SPATA24: variants seen among roughly 807,000 people sequenced by gnomAD.
The protein encoded by SPATA24 is spermatogenesis associated 24, also known as spermatogenesis-associated protein 24.
Under a neutral mutation model 28.9 loss-of-function variants are expected in SPATA24, and 21 were observed. The ratio of observed to expected loss-of-function variants is 0.73; its 90% CI spans 0.52 to 1.05. SPATA24 has a LOEUF of 1.05. Ranked by LOEUF, SPATA24 falls within the 50% of genes least tolerant of loss-of-function variation. SPATA24 has a pLI of 0.00. For missense variants in SPATA24, 215 were observed against 242.9 expected, an observed-to-expected ratio of 0.88 and a Z score of 0.76; for synonymous variants, 76 against 89.9, an observed-to-expected ratio of 0.85 and a Z score of 0.88.
downstream of SPATA24, chr5:139,394,531 G>T (rs1274411023): frequency 6.1e-6 from 9 of 1,481,220 alleles, no homozygotes; most frequent in Non-Finnish European, 6.2e-6. Flanking sequence ...CTCGAACTGC[G>T]CTGGGGCGGC....
intron 4 of SPATA24, among the ~76,000 whole-genome samples, chr5:139,398,038 G>C (rs1243212735): frequency 6.6e-6 from 1 of 152,242 alleles, no homozygotes; most frequent in Non-Finnish European, 1.5e-5. Context: ...TTTGCAGACC[G>C]AATGAACGGG....
intron 4 of SPATA24, among the ~76,000 whole-genome samples, chr5:139,397,775 G>A (rs532057508): frequency 6.2e-4 from 95 of 152,164 alleles, no homozygotes; most frequent in Middle Eastern, 3.4e-3. Context: ...GGCTGGTCTC[G>A]AACTTCTGAC....
chr5:139,396,295 T>C (rs1758704322), downstream of SPATA24: 1 of 985,272 alleles, frequency 1.0e-6, no homozygotes, highest in African/African-American at 1.7e-5. Flanking sequence ...CAAATTGAGG[T>C]CCCTTCCCAG....
intron 4 of SPATA24, 46 bp from the exon 5 acceptor site, chr5:139,397,189 G>A: frequency 2.8e-6 from 4 of 1,445,094 alleles, no homozygotes; most frequent in Non-Finnish European, 3.8e-6. Flanking sequence ...CCATCCCAGG[G>A]CTCCTTCCTG....
chr5:139,393,088 G>T (rs1758628043), downstream of SPATA24: 2 of 1,525,476 alleles, frequency 1.3e-6, no homozygotes, highest in African/African-American at 1.4e-5. Flanking sequence ...CGGCTCTTGC[G>T]TCTTGGATTC....
chr5:139,402,776 C>G, intron 1 of SPATA24, 83 bp from the exon 2 acceptor site: 3 of 1,004,504 alleles, frequency 3.0e-6, no homozygotes, highest in Non-Finnish European at 4.6e-6. Flanking sequence ...AAGCGGATAA[C>G]AGGATGATGC....
downstream of SPATA24, chr5:139,395,122 C>G (rs1162932607): frequency 7.2e-7 from 1 of 1,381,158 alleles, no homozygotes. Flanking sequence ...TCGCATTCGC[C>G]TCCGCTGGTG....
intron 4 of SPATA24, among the ~76,000 whole-genome samples, chr5:139,397,553 C>CT (rs757853919): frequency 0.017 from 2,314 of 135,484 alleles, 52 homozygotes; most frequent in African/African-American, 0.067. Flanking sequence ...CCTGCTTTCT[C>CT]TTTTTTTTTT....
At chr5:139,403,902 G>T in intron 1 of SPATA24, 42 bp downstream of exon 1, 1 of 1,493,166 alleles carries the variant, frequency 6.7e-7, no homozygotes. Context: ...CACCAGTGAG[G>T]CATCCGGCCC....
chr5:139,402,734 T>C (rs1365043890), intron 1 of SPATA24, 41 bp from the exon 2 acceptor site: 25 of 1,507,122 alleles, frequency 1.7e-5, no homozygotes, highest in Non-Finnish European at 2.1e-5. Context: ...GGGGCTGGAG[T>C]AGAAGGGGCG....
In SPATA24 at chr5:139,401,757, T is replaced by C. The variant is rs1214056455; in HGVS notation, c.383A>G (p.Asn128Ser). ...GAGAGCACGGGCCTCCCGCCTACCATTGCACTTGGTGATGAGCTGGTCCTT... is the reference window on the plus strand; with the variant it reads ...GAGAGCACGGGCCTCCCGCCTACCACTGCACTTGGTGATGAGCTGGTCCTT... Reference protein sequence around the residue: ...SKKDQLITKCNEIESHIIKQE... With the variant: ...SKKDQLITKCSEIESHIIKQE... The change falls in exon 4 of 6, where the codon AAT becomes AGT. Residue 128 changes from asparagine to serine, a missense_variant and splice_region_variant. Transcript: ENST00000450845. The C allele has an allele frequency of 1.3e-6, 2 of 1,551,580 alleles. No homozygotes were observed. The highest frequency in any genetic ancestry group is 8.7e-7 in the Non-Finnish European group (1 of 1,147,006).
At chr5:139,392,503 T>C, downstream of SPATA24, 1 of 1,347,270 alleles carries the variant, frequency 7.4e-7, no homozygotes, top group Non-Finnish European at 9.5e-7. This position sits in a 1 kb window ranked among gnomAD's most constrained non-coding sequence, Gnocchi z 5.8. Context: ...CGGGGACCGG[T>C]CCGTGGGAGG....
chr5:139,403,889 C>A, intron 1 of SPATA24, 55 bp downstream of exon 1: 1 of 1,438,948 alleles, frequency 6.9e-7, no homozygotes, highest in East Asian at 2.5e-5. Context: ...CTGGCCCCGC[C>A]CCCACCAGTG....
At chr5:139,395,457 C>CTG (rs1363614164), downstream of SPATA24, 1 of 207,524 alleles carries the variant, frequency 4.8e-6, no homozygotes, top group East Asian at 1.1e-4. Context: ...AAGTCAGGCA[C>CTG]TGCTGTGTGC....
At chr5:139,394,132 C>T, downstream of SPATA24, 1 of 1,547,330 alleles carries the variant, frequency 6.5e-7, no homozygotes, top group South Asian at 1.2e-5. Context: ...CTCGCGGAGG[C>T]TGGGCCACGG....
At position 139,396,902 on chromosome 5, in the gene SPATA24, C is replaced by A; in HGVS notation, c.516G>T (p.Gln172His). The A allele has an allele frequency of 1.9e-6, 3 of 1,551,692 alleles. No homozygotes were observed. The highest frequency in any genetic ancestry group is 2.4e-5 in the South Asian group (2 of 84,062). ...FRNHMSDFRI[Q>H]KQQESYMAQV... ...GGGCCATGTAGCTCTCCTGCTGCTT[C>A]TGGATCCGGAAGTCAGACATGTGAT... The change falls in exon 6 of 6, where the codon CAG becomes CAT. Residue 172 changes from glutamine to histidine, a missense_variant. Gln to His is a conservative substitution (Grantham distance 24). Coordinates refer to ENST00000450845, the MANE Select transcript of SPATA24 (RefSeq NM_194296.2).
chr5:139,394,800 G>A (rs1048587905), downstream of SPATA24: 14 of 1,528,502 alleles, frequency 9.2e-6, no homozygotes, highest in African/African-American at 1.6e-4. Flanking sequence ...GCCGTGGGCC[G>A]GAACCTGGGC....
rs908818542 is a variant in SPATA24 at position 139,396,945 on chromosome 5, C to G, written c.489-16G>C. The G allele has an allele frequency of 1.3e-6, 2 of 1,551,646 alleles. No homozygotes were observed. Among genetic ancestry groups the G allele is most frequent in the Non-Finnish European group, 1.7e-6 (2 of 1,146,936 alleles). On this transcript the variant is annotated splice_polypyrimidine_tract_variant and intron_variant, in intron 5 of 5. Coordinates refer to ENST00000450845, the MANE Select transcript of SPATA24 (RefSeq NM_194296.2). ...CATGTGATTCCTGCAACGGAGCCGG[C>G]TGGTGGTGGGCTGTGGACAGCCAAG...
At position 139,396,792 on chromosome 5, in the gene SPATA24, C is replaced by T. The variant is rs571368294; in HGVS notation, c.*8G>A. 29 of 1,551,706 alleles carry T rather than the reference C, an allele frequency of 1.9e-5. No individual in the cohort carries two copies. The highest frequency in any genetic ancestry group is 1.7e-4 in the Middle Eastern group (1 of 5,992). ...TTACAGCCAGAGAACAGGAAAGCGG[C>T]GGCCATTTTATTTTTCCCTGGGATG... On this transcript the variant is annotated 3_prime_UTR_variant, in exon 6 of 6. Coordinates refer to ENST00000450845, the MANE Select transcript of SPATA24 (RefSeq NM_194296.2).
Sources: gnomAD v4.1 joint callset for allele counts (sites outside exome capture counted in the v4.1 genomes callset) on GRCh38, gnomAD v4.1.1 for gene constraint, Gnocchi (gnomAD v3.1) non-coding constraint, MANE v1.5 for transcripts, NCBI Gene and HGNC (gene_info 2026-07-23, HGNC 2026-07-21) for gene names.